RAB3IL1: variants seen among roughly 807,000 people sequenced by gnomAD.
RAB3IL1 encodes the protein RAB3A interacting protein like 1.
Under a neutral mutation model 49.2 loss-of-function variants are expected in RAB3IL1, and 37 were observed. The observed-to-expected ratio is 0.75, with a 90% confidence interval of 0.58 to 0.99. The LOEUF (loss-of-function observed/expected upper bound fraction) is 0.99, where lower values mean the gene tolerates loss of function less well. RAB3IL1 is among the 50% of genes least tolerant of loss of function. The pLI is 0.00. For synonymous variants in RAB3IL1, 193 were observed against 213.9 expected, an observed-to-expected ratio of 0.90 and a Z score of 0.85; for missense variants, 484 against 513.0, an observed-to-expected ratio of 0.94 and a Z score of 0.55.
chr11:61,916,228 C>T (rs1939680368), intron 1 of RAB3IL1, among the ~76,000 whole-genome samples: 1 of 150,464 alleles, frequency 6.6e-6, no homozygotes, highest in South Asian at 2.1e-4. Flanking sequence ...TGCCTGTAGT[C>T]GCAGCTACTC....
chr11:61,915,656 C>T (rs1939646096), intron 1 of RAB3IL1, among the ~76,000 whole-genome samples: 1 of 152,136 alleles, frequency 6.6e-6, no homozygotes, highest in Non-Finnish European at 1.5e-5. Context: ...ACAAACCCAC[C>T]TCAAGCACTT....
intron 1 of RAB3IL1, among the ~76,000 whole-genome samples, chr11:61,909,001 T>G (rs985381016): frequency 1.3e-5 from 2 of 152,124 alleles, no homozygotes; most frequent in African/African-American, 4.8e-5. Flanking sequence ...CTGAAGACCC[T>G]GGAGGTGGTG....
chr11:61,926,154 G>A, the RAB3IL1 span, among the ~76,000 whole-genome samples: 2 of 138,568 alleles, frequency 1.4e-5, no homozygotes, highest in Non-Finnish European at 3.2e-5. Flanking sequence ...AAATAACTTG[G>A]CGAAAATATT....
intron 7 of RAB3IL1, among the ~76,000 whole-genome samples, chr11:61,903,056 C>G (rs1472088340): frequency 6.6e-6 from 1 of 152,106 alleles, no homozygotes; most frequent in Admixed American, 6.6e-5. Flanking sequence ...CTCTTCTCTC[C>G]TCCCCCCAGT....
intron 8 of RAB3IL1, 189 bp from the exon 9 acceptor site, chr11:61,899,569 A>T (rs1938797923): frequency 1.7e-6 from 1 of 581,634 alleles, no homozygotes. Context: ...TAATAGCAGC[A>T]GCAGCAGCAG....
chr11:61,915,246 G>A (rs1445616545), intron 1 of RAB3IL1, among the ~76,000 whole-genome samples: 2 of 152,164 alleles, frequency 1.3e-5, no homozygotes, highest in African/African-American at 4.8e-5. Flanking sequence ...AGGATTCTGT[G>A]GGGGTCAGCC....
At chr11:61,933,488 TC>T in the RAB3IL1 span, among the ~76,000 whole-genome samples, 1 of 152,154 alleles carries the variant, frequency 6.6e-6, no homozygotes, top group African/African-American at 2.4e-5. Flanking sequence ...CATCCTGGCC[TC>T]CCGAATGGTG....
At chr11:61,945,437 C>G in the RAB3IL1 span, among the ~76,000 whole-genome samples, 2 of 152,196 alleles carry the variant, frequency 1.3e-5, no homozygotes, top group Non-Finnish European at 2.9e-5. Flanking sequence ...CCTGGGGCAG[C>G]GGGGAGTTGC....
chr11:61,909,515 C>T (rs1223613562), intron 1 of RAB3IL1, among the ~76,000 whole-genome samples: 2 of 152,250 alleles, frequency 1.3e-5, no homozygotes, highest in Non-Finnish European at 2.9e-5. Flanking sequence ...CCCAGCCCCA[C>T]CTGCCCTCTG....
intron 8 of RAB3IL1, 90 bp from the exon 9 acceptor site, chr11:61,899,470 A>G (rs1938792529): frequency 1.6e-6 from 2 of 1,279,432 alleles, no homozygotes; most frequent in Admixed American, 3.9e-5. Flanking sequence ...AGGAGGCCCC[A>G]GGTCCCTGCA....
the RAB3IL1 span, among the ~76,000 whole-genome samples, chr11:61,944,970 G>C: frequency 1.3e-5 from 2 of 152,182 alleles, no homozygotes; most frequent in Admixed American, 6.5e-5. Flanking sequence ...CAAAGTGCTG[G>C]GATTACAGGT....
upstream of RAB3IL1, among the ~76,000 whole-genome samples, chr11:61,918,473 C>T (rs1939804559): frequency 6.6e-6 from 1 of 152,254 alleles, no homozygotes; most frequent in Non-Finnish European, 1.5e-5. Flanking sequence ...TCAAGTTAGT[C>T]AGATCTTCGT....
At chr11:61,926,015 C>T in the RAB3IL1 span, among the ~76,000 whole-genome samples, 1 of 139,974 alleles carries the variant, frequency 7.1e-6, no homozygotes, top group South Asian at 2.3e-4. Context: ...ACTTTCTAAA[C>T]TTGGAAACAT....
At chr11:61,942,060 A>C in the RAB3IL1 span, among the ~76,000 whole-genome samples, 14 of 152,080 alleles carry the variant, frequency 9.2e-5, no homozygotes, top group Non-Finnish European at 1.5e-5. Flanking sequence ...AAAATACAAA[A>C]ATTAGCCAGA....
the RAB3IL1 span, among the ~76,000 whole-genome samples, chr11:61,927,965 C>T: frequency 1.3e-5 from 2 of 152,034 alleles, no homozygotes; most frequent in African/African-American, 4.8e-5. Flanking sequence ...TGAACTAATA[C>T]AGTATGCTAG....
At position 61,906,295 on chromosome 11, in the gene RAB3IL1, T is replaced by A. The variant is rs539479497; in HGVS notation, c.657+171A>T. ...GAGGCTGCAGGCCAAGTGCCTCAGA[T>A]CACAGGAGGTTGGAGAGAAAGGACC... On this transcript the variant is annotated intron_variant, in intron 5 of 9. Transcript: ENST00000394836. The surrounding 1 kb of genome is among the most constrained non-coding windows in gnomAD (Gnocchi z 4.6). 5.8e-4 allele frequency among the ~76,000 whole-genome samples: 88 copies of A among 152,180 alleles called. No homozygotes were observed. Among genetic ancestry groups the A allele is most frequent in the African/African-American group, 2.0e-3 (81 of 41,516 alleles).
the RAB3IL1 span, among the ~76,000 whole-genome samples, chr11:61,927,074 C>A: frequency 6.6e-6 from 1 of 152,124 alleles, no homozygotes; most frequent in Non-Finnish European, 1.5e-5. Flanking sequence ...AAACTCCTGA[C>A]CTCAGATGAT....
the RAB3IL1 span, chr11:61,945,847 T>C: frequency 4.1e-6 from 4 of 978,488 alleles, no homozygotes; most frequent in Non-Finnish European, 4.9e-6. Context: ...GTGTCTCTAG[T>C]TGGTCCAGCT....
the RAB3IL1 span, among the ~76,000 whole-genome samples, chr11:61,937,647 A>G: frequency 6.6e-6 from 1 of 152,170 alleles, no homozygotes; most frequent in East Asian, 1.9e-4. Flanking sequence ...AACTAAAAGA[A>G]AAGAAAAGAA....
Sources: allele counts gnomAD v4.1 joint callset (sites outside exome capture counted in the v4.1 genomes callset), GRCh38; gene constraint gnomAD v4.1.1; non-coding constraint Gnocchi (gnomAD v3.1); transcripts MANE v1.5; gene names NCBI Gene and HGNC (gene_info 2026-07-23, HGNC 2026-07-21).